The following CNTNAP2 variants were observed in gnomAD, a reference collection of about 807,000 sequenced individuals.
CNTNAP2 encodes contactin associated protein 2, also known as contactin-associated protein-like 2.
A neutral mutation model predicts 155.2 loss-of-function variants in CNTNAP2; 98 were observed. The ratio of observed to expected loss-of-function variants is 0.63; its 90% CI spans 0.54 to 0.75. The LOEUF is 0.75. CNTNAP2 is among the 30% of genes least tolerant of loss of function. The probability of loss-of-function intolerance (pLI) is 0.00; values close to 1 mark genes in which losing one functional copy is unlikely to be tolerated. For synonymous variants in CNTNAP2, 651 were observed against 631.2 expected (o/e 1.03, Z -0.47); for missense variants, 1,727 against 1,688.1 (o/e 1.02, Z -0.40).
chr7:146,683,677 GAGA>G (rs1391768796), intron 1 of CNTNAP2, among the ~76,000 whole-genome samples: 29 of 152,262 alleles, frequency 1.9e-4, no homozygotes, highest in African/African-American at 6.5e-4. Context: ...TACCCCATAG[GAGA>G]AGTTTAGTCA....
intron 13 of CNTNAP2, among the ~76,000 whole-genome samples, chr7:147,890,398 G>A (rs1331068855): frequency 6.6e-6 from 1 of 152,164 alleles, no homozygotes; most frequent in Admixed American, 6.5e-5. Context: ...TGGTGGGGAT[G>A]TAAATTAGGA....
intron 18 of CNTNAP2, among the ~76,000 whole-genome samples, chr7:148,181,034 CT>C (rs1795029992): frequency 6.6e-6 from 1 of 152,188 alleles, no homozygotes; most frequent in Non-Finnish European, 1.5e-5. Flanking sequence ...TTTGGGGCAA[CT>C]CCAGGCTCCC....
intron 17 of CNTNAP2, among the ~76,000 whole-genome samples, chr7:148,156,643 C>G (rs1805404553): frequency 6.6e-6 from 1 of 152,134 alleles, no homozygotes; most frequent in Admixed American, 6.6e-5. Flanking sequence ...CTCAGGAACT[C>G]TAGATCCACT....
intron 19 of CNTNAP2, among the ~76,000 whole-genome samples, chr7:148,226,598 G>A (rs1795854117): frequency 6.6e-6 from 1 of 151,328 alleles, no homozygotes; most frequent in Non-Finnish European, 1.5e-5. Context: ...AGTTTAACGG[G>A]TATATGACCT....
chr7:147,304,842 T>C (rs781544843), intron 9 of CNTNAP2, among the ~76,000 whole-genome samples: 106 of 152,214 alleles, frequency 7.0e-4, no homozygotes, highest in Non-Finnish European at 1.2e-3. Context: ...TTTTTCATGG[T>C]TCTTGAGGTT....
At chr7:147,388,175 CA>C (rs1216973434) in intron 9 of CNTNAP2, among the ~76,000 whole-genome samples, 1 of 152,000 alleles carries the variant, frequency 6.6e-6, no homozygotes, top group Non-Finnish European at 1.5e-5. Context: ...ATTTTGTATG[CA>C]AATTGCCCTT....
intron 17 of CNTNAP2, among the ~76,000 whole-genome samples, chr7:148,161,591 A>G (rs1015258890): frequency 6.6e-6 from 1 of 151,940 alleles, no homozygotes; most frequent in African/African-American, 2.4e-5. Context: ...CCACCTAGAC[A>G]GGGGACAGCC....
At chr7:147,204,834 C>A (rs1802988798) in intron 8 of CNTNAP2, among the ~76,000 whole-genome samples, 1 of 152,014 alleles carries the variant, frequency 6.6e-6, no homozygotes, top group Non-Finnish European at 1.5e-5. Flanking sequence ...TTCAGAAAAT[C>A]TATTACAAGT....
intron 13 of CNTNAP2, among the ~76,000 whole-genome samples, chr7:147,902,209 G>C (rs575943251): frequency 6.6e-6 from 1 of 152,116 alleles, no homozygotes; most frequent in East Asian, 1.9e-4. Flanking sequence ...CAAGGAGAGA[G>C]GTACATATTC....
chr7:146,500,727 A>G (rs781184612), intron 1 of CNTNAP2, among the ~76,000 whole-genome samples: 1 of 152,092 alleles, frequency 6.6e-6, no homozygotes, highest in Non-Finnish European at 1.5e-5. Flanking sequence ...TTTCTAGACT[A>G]TTTTATCTGG....
chr7:146,647,592 T>A (rs1563171191), intron 1 of CNTNAP2, among the ~76,000 whole-genome samples: 1 of 152,120 alleles, frequency 6.6e-6, no homozygotes, highest in Non-Finnish European at 1.5e-5. Context: ...TCATGAGCAG[T>A]GATAAAGAGA....
chr7:147,065,783 T>C (rs1789994150), intron 4 of CNTNAP2, among the ~76,000 whole-genome samples: 1 of 152,196 alleles, frequency 6.6e-6, no homozygotes, highest in Non-Finnish European at 1.5e-5. Context: ...ACAAAGCTAA[T>C]AGGCATTTTT....
intron 3 of CNTNAP2, among the ~76,000 whole-genome samples, chr7:146,945,476 C>G (rs573846939): frequency 9.2e-5 from 14 of 152,034 alleles, no homozygotes; most frequent in African/African-American, 3.1e-4. Flanking sequence ...AAATGGAAAA[C>G]AGAAAATAAG....
intron 9 of CNTNAP2, among the ~76,000 whole-genome samples, chr7:147,354,470 C>T (rs1053589364): frequency 2.0e-5 from 3 of 151,932 alleles, no homozygotes; most frequent in African/African-American, 7.3e-5. Flanking sequence ...ATTTCTGAGG[C>T]CTCTGTTCTG....
At chr7:147,547,734 C>T (rs1006746591) in intron 11 of CNTNAP2, among the ~76,000 whole-genome samples, 3 of 151,710 alleles carry the variant, frequency 2.0e-5, no homozygotes, top group African/African-American at 7.3e-5. Context: ...TACCTATTGA[C>T]CTATCCTCTA....
intron 12 of CNTNAP2, among the ~76,000 whole-genome samples, chr7:147,593,807 T>C (rs1476318811): frequency 6.6e-6 from 1 of 152,194 alleles, no homozygotes; most frequent in Admixed American, 6.5e-5. Flanking sequence ...CCAGCTTCAA[T>C]ATCTCTCTGT....
At chr7:146,613,175 T>G (rs1015624306) in intron 1 of CNTNAP2, among the ~76,000 whole-genome samples, 10 of 152,146 alleles carry the variant, frequency 6.6e-5, no homozygotes, top group Non-Finnish European at 1.5e-4. Context: ...TGTTAAAACC[T>G]CCAATGTCAC....
intron 15 of CNTNAP2, among the ~76,000 whole-genome samples, chr7:148,048,939 T>C (rs2707565): frequency 0.36 from 53,947 of 151,914 alleles, 10,333 homozygotes; most frequent in East Asian, 0.76. Context: ...AGGCCGGGCG[T>C]GGTGGCTCGT....
intron 13 of CNTNAP2, among the ~76,000 whole-genome samples, chr7:147,887,529 G>A (rs991713094): frequency 1.3e-5 from 2 of 152,142 alleles, no homozygotes; most frequent in Admixed American, 1.3e-4. Context: ...GATTGAGCAT[G>A]CAAGAAATTG....
Sources: gnomAD v4.1 joint callset for allele counts (sites outside exome capture counted in the v4.1 genomes callset) on GRCh38, gnomAD v4.1.1 for gene constraint, MANE v1.5 for transcripts, NCBI Gene and HGNC (gene_info 2026-07-23, HGNC 2026-07-21) for gene names.